Variants in RBM47 observed in about 807,000 individuals in gnomAD.
RBM47 encodes the protein RNA-binding protein 47.
Under a neutral mutation model 47.1 loss-of-function variants are expected in RBM47, and 21 were observed. The ratio of observed to expected loss-of-function variants is 0.45; its 90% CI spans 0.32 to 0.64. RBM47 has a LOEUF of 0.64. RBM47 is among the 30% of genes least tolerant of loss of function. The pLI is 0.05. For missense variants in RBM47, 708 were observed against 870.9 expected, an observed-to-expected ratio of 0.81 and a Z score of 2.35; for synonymous variants, 375 against 361.7, an observed-to-expected ratio of 1.04 and a Z score of -0.42.
intron 5 of RBM47, among the ~76,000 whole-genome samples, chr4:40,434,003 G>GGTGTA (rs753785804): frequency 0.015 from 1,218 of 80,144 alleles, 214 homozygotes; most frequent in African/African-American, 0.057. Flanking sequence ...TGGGGCGGGG[G>GGTGTA]TGTGTGTGTG....
rs1473942319 is a variant in RBM47, at chr4:40,592,961, ATATATATATATATATATATTTTTT to A, written c.-240+36411_-240+36434del. On this transcript the variant is annotated intron_variant, in intron 1 of 6. Transcript: ENST00000295971. ...CATATATATATATATATATATATAT[ATATATATATATATATATATTTTTT>A]TTTTTTTTTTTTTTTTTTTTTTTTT... Among the ~76,000 whole-genome samples, 121 of 14,438 alleles carry A rather than the reference ATATATATATATATATATATTTTTT, an allele frequency of 8.4e-3. 1 individual carries two copies. Among genetic ancestry groups the A allele is most frequent in the Non-Finnish European group, 0.013 (99 of 7,878 alleles). The allele number at this position is 14,438 out of a possible 152,430, so 9.5% of individuals were successfully genotyped here.
intron 1 of RBM47, among the ~76,000 whole-genome samples, chr4:40,604,827 C>T (rs1036974239): frequency 3.3e-5 from 5 of 152,142 alleles, no homozygotes; most frequent in Non-Finnish European, 5.9e-5. Flanking sequence ...AGCAATTCTC[C>T]TGCCTCAGCC....
At chr4:40,609,253 G>C (rs932878190) in intron 1 of RBM47, among the ~76,000 whole-genome samples, 1 of 151,656 alleles carries the variant, frequency 6.6e-6, no homozygotes, top group Admixed American at 6.6e-5. Flanking sequence ...GCCTCCCAAA[G>C]TGCTGGGATT....
rs915930513 is a variant in RBM47, at chr4:40,593,957, C to G, written c.-240+35439G>C. ...CCCAGCTACTCAGGAGGCTGAGAGG[C>G]AGGAGAATCGATTGAACCCAGGAGG... On this transcript the variant is annotated intron_variant, in intron 1 of 6. Coordinates refer to ENST00000295971, the MANE Select transcript of RBM47 (RefSeq NM_001098634.2). Among the ~76,000 whole-genome samples, 10 of 151,318 alleles carry G rather than the reference C, an allele frequency of 6.6e-5. No individual in the cohort carries two copies. In the South Asian group the frequency reaches 1.2e-3, roughly 19 times the overall value.
At chr4:40,454,234 A>G (rs1715884036) in intron 3 of RBM47, among the ~76,000 whole-genome samples, 1 of 152,250 alleles carries the variant, frequency 6.6e-6, no homozygotes. Flanking sequence ...CCTCTGCTCT[A>G]AAGTCAGATT....
intron 2 of RBM47, among the ~76,000 whole-genome samples, chr4:40,535,371 C>CTTTTTTTTT (rs1177127352): frequency 9.7e-6 from 1 of 103,460 alleles, no homozygotes; most frequent in African/African-American, 4.3e-5. Flanking sequence ...TATGGTATTT[C>CTTTTTTTTT]TTTTTTTTTT....
chr4:40,477,112 G>A (rs1719728731), intron 2 of RBM47, among the ~76,000 whole-genome samples: 1 of 152,188 alleles, frequency 6.6e-6, no homozygotes, highest in Admixed American at 6.5e-5. Flanking sequence ...GAACCTGGGA[G>A]GCGGAGGTTG....
intron 1 of RBM47, among the ~76,000 whole-genome samples, chr4:40,552,891 C>T (rs892378937): frequency 3.9e-5 from 6 of 152,226 alleles, no homozygotes; most frequent in Non-Finnish European, 5.9e-5. Flanking sequence ...CCCATCCTAG[C>T]TCTCTCCCTG....
intron 1 of RBM47, among the ~76,000 whole-genome samples, chr4:40,561,544 CT>C (rs796381156): frequency 1.2e-4 from 15 of 124,554 alleles, no homozygotes; most frequent in East Asian, 9.7e-4. Flanking sequence ...TTCTTCTTTT[CT>C]TTTTTTTTTC....
At chr4:40,438,953 G>A in intron 3 of RBM47, 29 bp from the exon 4 acceptor site, 1 of 1,458,850 alleles carries the variant, frequency 6.9e-7, no homozygotes, top group Non-Finnish European at 9.1e-7. Flanking sequence ...GCGTGAGTGG[G>A]GAACCGCTGG....
chr4:40,574,303 G>A (rs16852355), intron 1 of RBM47, among the ~76,000 whole-genome samples: 45,990 of 152,102 alleles, frequency 0.3, 7,182 homozygotes, highest in Admixed American at 0.37. Context: ...AGTTAAGACC[G>A]AGTTTAATTC....
chr4:40,581,190 G>C (rs1297937980), intron 1 of RBM47, among the ~76,000 whole-genome samples: 3 of 152,142 alleles, frequency 2.0e-5, no homozygotes, highest in Non-Finnish European at 4.4e-5. Flanking sequence ...GGGAGGCCGA[G>C]ATGGGAAGGT....
chr4:40,508,879 G>T (rs968939040), intron 2 of RBM47, among the ~76,000 whole-genome samples: 1 of 152,058 alleles, frequency 6.6e-6, no homozygotes, highest in Non-Finnish European at 1.5e-5. Flanking sequence ...ATATGTTTTC[G>T]GCCAGGCGCA....
intron 2 of RBM47, among the ~76,000 whole-genome samples, chr4:40,511,713 C>T (rs755715082): frequency 5.9e-5 from 9 of 152,148 alleles, no homozygotes; most frequent in African/African-American, 1.9e-4. Context: ...CTCAGCACTT[C>T]GGGAGGCCGA....
At chr4:40,522,311 C>G (rs1726271991) in intron 2 of RBM47, among the ~76,000 whole-genome samples, 1 of 152,142 alleles carries the variant, frequency 6.6e-6, no homozygotes, top group African/African-American at 2.4e-5. Flanking sequence ...TCGAGACCAG[C>G]CTTTCCAACA....
intron 6 of RBM47, among the ~76,000 whole-genome samples, chr4:40,428,231 A>ACAAAC (rs1471114687): frequency 6.9e-6 from 1 of 144,978 alleles, no homozygotes. Flanking sequence ...ACAAAACAAA[A>ACAAAC]CAAACCCCCA....
chr4:40,460,396 C>T (rs973899155), intron 3 of RBM47, among the ~76,000 whole-genome samples: 5 of 152,220 alleles, frequency 3.3e-5, no homozygotes, highest in African/African-American at 1.2e-4. Context: ...CTGCTTATTA[C>T]AGTGCTTGAG....
At chr4:40,616,783 T>C (rs1471457795) in intron 1 of RBM47, among the ~76,000 whole-genome samples, 2 of 152,064 alleles carry the variant, frequency 1.3e-5, no homozygotes, top group African/African-American at 4.8e-5. Context: ...GATCCATTTT[T>C]ACAGTGTCAA....
intron 1 of RBM47, among the ~76,000 whole-genome samples, chr4:40,607,945 A>C (rs1578061613): frequency 2.0e-5 from 3 of 152,084 alleles, no homozygotes; most frequent in African/African-American, 7.2e-5. Flanking sequence ...TCTCTACTAA[A>C]ATACAAAAAA....
Sources: gnomAD v4.1 joint callset for allele counts (sites outside exome capture counted in the v4.1 genomes callset) on GRCh38, gnomAD v4.1.1 for gene constraint, MANE v1.5 for transcripts, NCBI Gene and HGNC (gene_info 2026-07-23, HGNC 2026-07-21) for gene names.